Variants in CD276 observed in about 807,000 individuals in gnomAD.
CD276 encodes CD276 antigen.
A neutral mutation model predicts 50.0 loss-of-function variants in CD276; 34 were observed. The observed-to-expected ratio is 0.68, with a 90% CI of 0.52 to 0.91. CD276 has a LOEUF of 0.91. CD276 is among the 40% of genes least tolerant of loss of function. The probability of loss-of-function intolerance (pLI) is 0.00; values close to 1 mark genes in which losing one functional copy is unlikely to be tolerated. For synonymous variants in CD276, 275 were observed against 313.0 expected, an observed-to-expected ratio of 0.88 and a Z score of 1.28; for missense variants, 634 against 717.5, an observed-to-expected ratio of 0.88 and a Z score of 1.33.
intron 7 of CD276, 154 bp from the exon 8 acceptor site, chr15:73,709,494 C>T: frequency 1.4e-6 from 1 of 734,002 alleles, no homozygotes; most frequent in South Asian, 1.5e-5. Flanking sequence ...CTGTGCTCTG[C>T]TCTCGGGCTC....
chr15:73,700,271 A>G (rs1900326715), intron 2 of CD276, among the ~76,000 whole-genome samples: 1 of 152,216 alleles, frequency 6.6e-6, no homozygotes, highest in Non-Finnish European at 1.5e-5. Context: ...ACTGTGTAGA[A>G]TAAACGATGT....
At position 73,703,858 on chromosome 15, in the gene CD276, G is replaced by C. The variant is rs751869245; in HGVS notation, c.933G>C (p.Thr311=). The stretch of plus-strand genomic sequence containing the variant: ...AGGGCAGCGCCTATGCCAACCGCAC[G>C]GCCCTCTTCCCGGACCTGCTGGCAC... ...RDQGSAYANR[T]ALFPDLLAQG... Residue 311 remains threonine (T), a synonymous_variant, in exon 5 of 10, where the codon ACG becomes ACC. Transcript: ENST00000318443. The C allele has an allele frequency of 6.2e-7, 1 of 1,613,634 alleles. No homozygotes were observed. The highest frequency in any genetic ancestry group is 2.2e-5 in the East Asian group (1 of 44,878).
chr15:73,709,827 C>T (rs1900821123), intron 8 of CD276, 138 bp downstream of exon 8: 2 of 771,292 alleles, frequency 2.6e-6, no homozygotes, highest in Non-Finnish European at 4.1e-6. Flanking sequence ...GACCTCCCCA[C>T]CCCGGTGAGT....
In CD276 at chr15:73,703,857, C is replaced by T. The variant is rs764220550; in HGVS notation, c.932C>T (p.Thr311Met). 4 of 1,613,574 alleles carry T rather than the reference C, an allele frequency of 2.5e-6. No individual in the cohort carries two copies. The highest frequency in any genetic ancestry group is 2.2e-5 in the South Asian group (2 of 91,080). The part of the protein sequence containing the change: ...RDQGSAYANR[T>M]ALFPDLLAQG... ...CAGGGCAGCGCCTATGCCAACCGCACGGCCCTCTTCCCGGACCTGCTGGCA... is the reference window on the plus strand; with the variant it reads ...CAGGGCAGCGCCTATGCCAACCGCATGGCCCTCTTCCCGGACCTGCTGGCA... Residue 311 changes from threonine (T) to methionine (M), a missense_variant, in exon 5 of 10, where the codon ACG becomes ATG. Transcript: ENST00000318443.
chr15:73,684,818 G>T (rs375107218), intron 1 of CD276: 3 of 152,528 alleles, frequency 2.0e-5, no homozygotes, highest in East Asian at 3.9e-4. Context: ...ATGCGCTTTT[G>T]CAGGCCCCGG....
intron 1 of CD276, chr15:73,686,229 G>A: frequency 2.2e-6 from 2 of 891,608 alleles, no homozygotes; most frequent in Non-Finnish European, 2.7e-6. Flanking sequence ...GGCATTACTG[G>A]TGGTTTCTCC....
At chr15:73,689,995 C>T (rs8041181) in intron 1 of CD276, among the ~76,000 whole-genome samples, 51,312 of 152,060 alleles carry the variant, frequency 0.34, 9,413 homozygotes, top group Non-Finnish European at 0.41. Flanking sequence ...AAAGAATTTA[C>T]ATGTTCATAG....
intron 7 of CD276, among the ~76,000 whole-genome samples, chr15:73,709,330 G>A (rs1487030577): frequency 6.6e-6 from 1 of 150,940 alleles, no homozygotes; most frequent in Non-Finnish European, 1.5e-5. Context: ...AGGCTGGGTG[G>A]ATGGTCCTTG....
In CD276 at chr15:73,702,352, C is replaced by G; in HGVS notation, c.177C>G (p.Ser59Arg). ...CCSFSPEPGF[S>R]LAQLNLIWQL... ...CCTTCTCCCCTGAGCCTGGCTTCAG[C>G]CTGGCACAGCTCAACCTCATCTGGC... Residue 59 changes from serine to arginine, a missense_variant, in exon 3 of 10, where the codon AGC becomes AGG. Ser to Arg is a moderately radical substitution (Grantham distance 110). Transcript: ENST00000318443. 6.2e-7 allele frequency: 1 copy of G among 1,613,630 alleles called. No homozygotes were observed.
chr15:73,702,131 T>C, intron 2 of CD276, 124 bp from the exon 3 acceptor site: 2 of 727,792 alleles, frequency 2.7e-6, no homozygotes, highest in East Asian at 5.4e-5. Context: ...ATAAATTACT[T>C]TGGGTCTCAG....
chr15:73,710,899 A>G (rs1900872282), intron 8 of CD276, among the ~76,000 whole-genome samples: 1 of 152,120 alleles, frequency 6.6e-6, no homozygotes, highest in Non-Finnish European at 1.5e-5. Context: ...GTCCCATTCT[A>G]TAGATGCAGA....
chr15:73,708,637 T>TTCACACACACAAGAC, intron 7 of CD276, 164 bp downstream of exon 7: 2 of 758,714 alleles, frequency 2.6e-6, no homozygotes, highest in Non-Finnish European at 4.3e-6. Flanking sequence ...CTACGTCTTG[T>TTCACACACACAAGAC]GTGTGTGAAC....
chr15:73,713,062 AG>A lies in CD276; in HGVS notation c.*108del. On this transcript the variant is annotated 3_prime_UTR_variant, in exon 10 of 10. Transcript: ENST00000318443. ...CCCAACAGATGCATCCTGCTCTGAC[AG>A]GTGGGCTCCTTCTCCAAAGGATGCG... The A allele has an allele frequency of 9.8e-7, 1 of 1,024,982 alleles. No individual in the cohort carries two copies. The highest frequency in any genetic ancestry group is 1.5e-6 in the Non-Finnish European group (1 of 685,108). The allele number at this position is 1,024,982 out of a possible 1,614,324, so 63.5% of individuals were successfully genotyped here.
intron 1 of CD276, chr15:73,697,553 T>C (rs1471773972): frequency 6.6e-6 from 1 of 151,378 alleles, no homozygotes; most frequent in Non-Finnish European, 1.5e-5. Flanking sequence ...ACAAAGTCAC[T>C]TATCTGGGCT....
At chr15:73,694,798 C>CA (rs762400961) in intron 1 of CD276, among the ~76,000 whole-genome samples, 14 of 152,194 alleles carry the variant, frequency 9.2e-5, no homozygotes, top group Non-Finnish European at 1.6e-4. Flanking sequence ...CTGGGATCTG[C>CA]AGTCGTTAGC....
chr15:73,702,879 G>A lies in CD276; in HGVS notation c.526G>A (p.Val176Met), dbSNP rs1456137115. Residue 176 changes from valine to methionine, a missense_variant, in exon 4 of 10, where the codon GTG becomes ATG. By Grantham distance (21) the Val-to-Met change is conservative. Coordinates refer to ENST00000318443, the MANE Select transcript of CD276 (RefSeq NM_001024736.2). ...CTACCAGGGCTACCCTGAGGCTGAGGTGTTCTGGCAGGATGGGCAGGGTGT... is the reference window on the plus strand; with the variant it reads ...CTACCAGGGCTACCCTGAGGCTGAGATGTTCTGGCAGGATGGGCAGGGTGT... ...SSYQGYPEAEVFWQDGQGVPL... is the reference protein window; with the variant it reads ...SSYQGYPEAEMFWQDGQGVPL... 3 of 1,614,138 alleles carry A rather than the reference G, an allele frequency of 1.9e-6. No homozygotes were observed. The highest frequency in any genetic ancestry group is 1.7e-6 in the Non-Finnish European group (2 of 1,180,038).
chr15:73,710,525 G>A (rs1202769443), intron 8 of CD276, among the ~76,000 whole-genome samples: 1 of 152,210 alleles, frequency 6.6e-6, no homozygotes, highest in African/African-American at 2.4e-5. Flanking sequence ...TGAGCCATTT[G>A]GGATGGTTCC....
intron 1 of CD276, among the ~76,000 whole-genome samples, chr15:73,690,088 C>T (rs921118733): frequency 1.3e-5 from 2 of 152,242 alleles, no homozygotes; most frequent in African/African-American, 2.4e-5. Flanking sequence ...CATTCACTCT[C>T]AGGCATCCAG....
In CD276 at chr15:73,704,387, G is replaced by A; in HGVS notation, c.1284G>A (p.Val428=). 1.2e-6 allele frequency: 2 copies of A among 1,614,132 alleles called. No individual in the cohort carries two copies. The highest frequency in any genetic ancestry group is 1.7e-6 in the Non-Finnish European group (2 of 1,180,060). Residue 428 remains valine (V), a synonymous_variant, in exon 6 of 10, where the codon GTG becomes GTA. Coordinates refer to ENST00000318443, the MANE Select transcript of CD276 (RefSeq NM_001024736.2). The surrounding 1 kb of genome is among the most constrained non-coding windows in gnomAD (Gnocchi z 4.1). ...GLFDVHSVLR[V]VLGANGTYSC... is the part of the protein sequence containing the mutation. ...TTGATGTGCACAGCGTCCTGCGGGTGGTGCTGGGTGCGAATGGCACCTACA... is the reference window on the plus strand; with the variant it reads ...TTGATGTGCACAGCGTCCTGCGGGTAGTGCTGGGTGCGAATGGCACCTACA...
Sources: gnomAD v4.1 joint callset for allele counts (sites outside exome capture counted in the v4.1 genomes callset) on GRCh38, gnomAD v4.1.1 for gene constraint, Gnocchi (gnomAD v3.1) non-coding constraint, MANE v1.5 for transcripts, NCBI Gene and HGNC (gene_info 2026-07-23, HGNC 2026-07-21) for gene names.